The following ADAMTSL1 variants were observed in gnomAD, a reference collection of about 807,000 sequenced individuals.
The protein encoded by ADAMTSL1 is ADAMTS-like protein 1.
Under a neutral mutation model 201.8 loss-of-function variants are expected in ADAMTSL1, and 126 were observed. The ratio of observed to expected loss-of-function variants is 0.62; its 90% CI spans 0.54 to 0.72. The LOEUF is 0.72. Among genes scored for constraint, ADAMTSL1 ranks in the 30% least tolerant of loss-of-function variants. The pLI, the probability that ADAMTSL1 is intolerant of heterozygous loss-of-function variation, is 0.00. For missense variants in ADAMTSL1, 2,679 were observed against 2,277.8 expected, an observed-to-expected ratio of 1.18 and a Z score of -3.59; for synonymous variants, 1,121 against 903.4, an observed-to-expected ratio of 1.24 and a Z score of -4.32.
At chr9:18,577,304 G>A (rs906707596) in intron 4 of ADAMTSL1, among the ~76,000 whole-genome samples, 1 of 152,092 alleles carries the variant, frequency 6.6e-6, no homozygotes, top group Non-Finnish European at 1.5e-5. Flanking sequence ...TGGCCAACAC[G>A]GCGAAACCCT....
chr9:18,854,974 G>A (rs765056423), intron 23 of ADAMTSL1, among the ~76,000 whole-genome samples: 4 of 152,128 alleles, frequency 2.6e-5, no homozygotes, highest in Non-Finnish European at 5.9e-5. Context: ...CTCAGGGTGA[G>A]GTCTTCAGAA....
At chr9:18,384,767 A>G (rs1389730996) in intron 2 of ADAMTSL1, among the ~76,000 whole-genome samples, 6 of 152,074 alleles carry the variant, frequency 3.9e-5, no homozygotes, top group African/African-American at 1.4e-4. Context: ...GTCACTACAG[A>G]GCACCTTAAT....
chr9:18,423,849 A>G (rs1819073955), intron 2 of ADAMTSL1, among the ~76,000 whole-genome samples: 1 of 152,222 alleles, frequency 6.6e-6, no homozygotes, highest in South Asian at 2.1e-4. Flanking sequence ...GAGATTTAAA[A>G]TGTATACATA....
In ADAMTSL1 at chr9:18,716,286, C is replaced by G. The variant is rs537868431; in HGVS notation, c.1877-5250C>G. 3.2e-4 allele frequency among the ~76,000 whole-genome samples: 48 copies of G among 152,072 alleles called. 1 individual carries two copies. In the South Asian group the frequency reaches 1.0e-2, roughly 32 times the overall value. On this transcript the variant is annotated intron_variant, in intron 14 of 28. Coordinates refer to ENST00000380548, the MANE Select transcript of ADAMTSL1 (RefSeq NM_001040272.6). Reference sequence around the variant, plus strand: ...TCTGCACAGCAAAAGAAACTACCAGCAGAGTGAACAGGCAACCTACAAAAT... The same window carrying G: ...TCTGCACAGCAAAAGAAACTACCAGGAGAGTGAACAGGCAACCTACAAAAT...
At chr9:18,885,169 T>G (rs1007942447) in intron 23 of ADAMTSL1, among the ~76,000 whole-genome samples, 2 of 152,210 alleles carry the variant, frequency 1.3e-5, no homozygotes, top group East Asian at 3.9e-4. Flanking sequence ...GAACAGAAAT[T>G]TAGTGGCTCA....
intron 2 of ADAMTSL1, among the ~76,000 whole-genome samples, chr9:18,530,247 A>G (rs758455576): frequency 3.3e-5 from 5 of 152,172 alleles, no homozygotes; most frequent in Non-Finnish European, 5.9e-5. Context: ...CAAGAGGTTT[A>G]TGCAAGTGGA....
At chr9:18,669,193 C>A (rs1431544664) in intron 9 of ADAMTSL1, among the ~76,000 whole-genome samples, 1 of 152,206 alleles carries the variant, frequency 6.6e-6, no homozygotes, top group Non-Finnish European at 1.5e-5. Flanking sequence ...CCAGGTTAGG[C>A]AAGCCTCTTT....
chr9:17,933,059 C>A (rs1479425575), intron 1 of ADAMTSL1, among the ~76,000 whole-genome samples: 1 of 152,134 alleles, frequency 6.6e-6, no homozygotes, highest in African/African-American at 2.4e-5. Context: ...GTATGTGTTT[C>A]TTTTCGGTGC....
In ADAMTSL1 at chr9:18,822,373, A is replaced by G. The variant is rs77405544; in HGVS notation, c.3935-3911A>G. Reference sequence around the variant, plus strand: ...AACACCTTGGTTTTACAACCACAGCAGAAACATTAATTCTGAAAGTAGAAA... The same window carrying G: ...AACACCTTGGTTTTACAACCACAGCGGAAACATTAATTCTGAAAGTAGAAA... On this transcript the variant is annotated intron_variant, in intron 21 of 28. Coordinates refer to ENST00000380548, the MANE Select transcript of ADAMTSL1 (RefSeq NM_001040272.6). Among the ~76,000 whole-genome samples, 31 of 152,334 alleles carry G rather than the reference A, an allele frequency of 2.0e-4. No individual in the cohort carries two copies. The East Asian group carries it at 6.0e-3, about 29-fold the overall frequency.
intron 9 of ADAMTSL1, 22 bp downstream of exon 9, chr9:18,662,095 A>G (rs1434185569): frequency 2.5e-6 from 4 of 1,607,454 alleles, no homozygotes; most frequent in East Asian, 2.2e-5. Flanking sequence ...TTGCTAGTTC[A>G]TTTGTCATAA....
At chr9:18,871,827 A>C (rs370043681) in intron 23 of ADAMTSL1, among the ~76,000 whole-genome samples, 10 of 152,258 alleles carry the variant, frequency 6.6e-5, no homozygotes, top group Admixed American at 5.2e-4. Flanking sequence ...CAGACTCTCT[A>C]AAGCTAGTGC....
At chr9:18,470,472 G>A (rs1468224543), upstream of ADAMTSL1, among the ~76,000 whole-genome samples, 1 of 152,102 alleles carries the variant, frequency 6.6e-6, no homozygotes, top group Non-Finnish European at 1.5e-5. Flanking sequence ...ATCCCTGTGG[G>A]GAAAACAAGG....
At chr9:18,308,409 G>T (rs1166419580) in intron 2 of ADAMTSL1, among the ~76,000 whole-genome samples, 2 of 152,096 alleles carry the variant, frequency 1.3e-5, no homozygotes, top group Non-Finnish European at 2.9e-5. Context: ...CCAGGAGCTG[G>T]TTTTTTGAAA....
rs1271775447 is a variant in ADAMTSL1, at chr9:18,910,900, C to A, written c.*2352C>A. 2.0e-5 allele frequency: 3 copies of A among 152,200 alleles called. No homozygotes were observed. The highest frequency in any genetic ancestry group is 4.4e-5 in the Non-Finnish European group (3 of 68,048). The allele number at this position is 152,200 out of a possible 1,614,324, so 9.4% of individuals were successfully genotyped here. A position where few individuals can be genotyped will look rare whatever the true frequency, so the allele number is the denominator to read the frequency against. Reference sequence around the variant, plus strand: ...AGGAGGCACTTTCTCCTCTAAAACACAAAACTGTATTTGTATTTTTTGTAC... The same window carrying A: ...AGGAGGCACTTTCTCCTCTAAAACAAAAAACTGTATTTGTATTTTTTGTAC... On this transcript the variant is annotated 3_prime_UTR_variant, in exon 29 of 29. Transcript: ENST00000380548.
chr9:18,406,228 T>A (rs772298080), intron 2 of ADAMTSL1, among the ~76,000 whole-genome samples: 27 of 152,144 alleles, frequency 1.8e-4, no homozygotes, highest in Non-Finnish European at 3.5e-4. Flanking sequence ...GAATACCCTA[T>A]TCAAAGAGTA....
chr9:18,085,486 T>TATATATATATATATATACTGTGTGTGC lies in ADAMTSL1; in HGVS notation c.88-78363_88-78362insTATACTGTGTGTGCATATATATATATA, dbSNP rs1554692344. The stretch of plus-strand genomic sequence containing the variant: ...ACAAATACACATATGTGTGTGCATA[T>TATATATATATATATATACTGTGTGTGC]ATATATATATATACTGTGTGTGCAT... On this transcript the variant is annotated intron_variant, in intron 1 of 29. Coordinates refer to the ADAMTSL1 transcript ENST00000680146. Among the ~76,000 whole-genome samples the TATATATATATATATATACTGTGTGTGC allele has an allele frequency of 5.8e-3, 838 of 144,872 alleles. 57 individuals are homozygous for TATATATATATATATATACTGTGTGTGC. The East Asian group carries it at 0.15, about 25-fold the overall frequency.
intron 2 of ADAMTSL1, among the ~76,000 whole-genome samples, chr9:18,450,617 T>C (rs1820367416): frequency 6.6e-6 from 1 of 151,730 alleles, no homozygotes; most frequent in African/African-American, 2.4e-5. Context: ...TGTATATATG[T>C]GCATATGTGT....
chr9:18,269,117 C>T (rs191866156), intron 2 of ADAMTSL1, among the ~76,000 whole-genome samples: 1 of 151,982 alleles, frequency 6.6e-6, no homozygotes. Flanking sequence ...AAGCATTTAC[C>T]TAACCATGAT....
intron 2 of ADAMTSL1, among the ~76,000 whole-genome samples, chr9:18,441,635 T>C (rs766273554): frequency 9.2e-5 from 14 of 152,170 alleles, no homozygotes; most frequent in Non-Finnish European, 1.9e-4. Flanking sequence ...AGATGAAGAA[T>C]GGCATGATGC....
Sources: gnomAD v4.1 joint callset for allele counts (sites outside exome capture counted in the v4.1 genomes callset) on GRCh38, gnomAD v4.1.1 for gene constraint, MANE v1.5 for transcripts, NCBI Gene and HGNC (gene_info 2026-07-23, HGNC 2026-07-21) for gene names.